The following MAP3K20 variants were observed in gnomAD, a reference collection of about 807,000 sequenced individuals.
MAP3K20 encodes HCCS-4.
MAP3K20 carries 40 observed loss-of-function variants against 85.7 expected under a neutral mutation model. That is an observed-to-expected ratio of 0.47 (90% confidence interval 0.36 to 0.61). The LOEUF (loss-of-function observed/expected upper bound fraction) is 0.61, where lower values mean the gene tolerates loss of function less well. Ranked by LOEUF, MAP3K20 falls within the 20% of genes least tolerant of loss-of-function variation. MAP3K20 has a pLI of 0.00. For synonymous variants in MAP3K20, 325 were observed against 327.7 expected, an observed-to-expected ratio of 0.99 and a Z score of 0.09; for missense variants, 817 against 961.7, an observed-to-expected ratio of 0.85 and a Z score of 1.99.
intron 18 of MAP3K20, among the ~76,000 whole-genome samples, chr2:173,262,826 A>G (rs1685328267): frequency 6.6e-6 from 1 of 152,188 alleles, no homozygotes. Flanking sequence ...CTTGGAAACT[A>G]GACTACTCTA....
chr2:173,218,355 T>G (rs1328463325), intron 11 of MAP3K20, among the ~76,000 whole-genome samples: 1 of 152,226 alleles, frequency 6.6e-6, no homozygotes, highest in East Asian at 1.9e-4. Context: ...AGATTCAACT[T>G]GGAAAAAAAG....
Position 173,124,951 on chromosome 2 carries a change from GCACT to G in MAP3K20, c.159+33763_159+33766del, listed in dbSNP as rs1481540273. Among the ~76,000 whole-genome samples, 5 of 152,228 alleles carry G rather than the reference GCACT, an allele frequency of 3.3e-5. No individual in the cohort carries two copies. The South Asian group carries it at 6.2e-4, about 19-fold the overall frequency. ...TATAGTGAGCTATGATTGCACCATTGCACTCCAGCCTGGGGGACAGTGAGACCCT... is the reference window on the plus strand; with the variant it reads ...TATAGTGAGCTATGATTGCACCATTGCCAGCCTGGGGGACAGTGAGACCCT... On this transcript the variant is annotated intron_variant, in intron 2 of 19. Transcript: ENST00000375213.
intron 2 of MAP3K20, among the ~76,000 whole-genome samples, chr2:173,111,128 C>T (rs536534104): frequency 2.0e-5 from 3 of 152,144 alleles, no homozygotes; most frequent in African/African-American, 7.2e-5. Context: ...GCCATTCTTG[C>T]AGGAGTGAGG....
At chr2:173,165,105 TC>T (rs530419414) in intron 2 of MAP3K20, among the ~76,000 whole-genome samples, 7 of 152,020 alleles carry the variant, frequency 4.6e-5, no homozygotes, top group Admixed American at 6.6e-5. Context: ...TCCGTTTATA[TC>T]TCAGATTGGG....
intron 2 of MAP3K20, among the ~76,000 whole-genome samples, chr2:173,134,416 A>ATTT (rs1559246056): frequency 2.8e-3 from 18 of 6,370 alleles, no homozygotes; most frequent in Non-Finnish European, 4.3e-3. Context: ...ATATATATAT[A>ATTT]TATATATATA....
intron 1 of MAP3K20, among the ~76,000 whole-genome samples, chr2:173,087,064 A>C (rs924055248): frequency 4.6e-5 from 7 of 152,380 alleles, no homozygotes; most frequent in African/African-American, 1.7e-4. Flanking sequence ...GAATAACCAG[A>C]AGCTATTTAC....
At chr2:173,111,004 A>G (rs1454459803) in intron 2 of MAP3K20, among the ~76,000 whole-genome samples, 2 of 152,232 alleles carry the variant, frequency 1.3e-5, no homozygotes, top group South Asian at 4.1e-4. Flanking sequence ...AGGAATCTCC[A>G]CACTGTCTTC....
rs557735799 is a variant in MAP3K20 at position 173,143,409 on chromosome 2, T to TC, written c.160-26389dup. 1.8e-4 allele frequency among the ~76,000 whole-genome samples: 27 copies of TC among 151,978 alleles called. 1 individual carries two copies. The South Asian group carries it at 4.6e-3, about 26-fold the overall frequency. Reference sequence around the variant, plus strand: ...CAATTACATTTGTAAATTTTAAATATCCCCCCCTAAGCAACTGAGACATTA... The same window carrying TC: ...CAATTACATTTGTAAATTTTAAATATCCCCCCCCTAAGCAACTGAGACATTA... On this transcript the variant is annotated intron_variant, in intron 2 of 19. Transcript: ENST00000375213.
intron 2 of MAP3K20, among the ~76,000 whole-genome samples, chr2:173,114,802 A>G (rs1353628222): frequency 2.6e-5 from 4 of 152,164 alleles, no homozygotes; most frequent in African/African-American, 7.2e-5. Flanking sequence ...ATTCCTTTAT[A>G]GGTTACCTAG....
intron 2 of MAP3K20, among the ~76,000 whole-genome samples, chr2:173,112,248 A>G (rs921689393): frequency 1.3e-5 from 2 of 152,152 alleles, no homozygotes; most frequent in Non-Finnish European, 2.9e-5. Context: ...TGATTTGTGT[A>G]TATTAATCTT....
Position 173,217,283 on chromosome 2 carries a change from A to C in MAP3K20, c.987+33A>C. 2.0e-6 allele frequency: 3 copies of C among 1,513,238 alleles called. No individual in the cohort carries two copies. The East Asian group carries it at 7.1e-5, about 36-fold the overall frequency. The allele number at this position is 1,513,238 out of a possible 1,614,324, so 93.7% of individuals were successfully genotyped here. A position where few individuals can be genotyped will look rare whatever the true frequency, so the allele number is the denominator to read the frequency against. On this transcript the variant is annotated intron_variant, in intron 11 of 19. Coordinates refer to ENST00000375213, the MANE Select transcript of MAP3K20 (RefSeq NM_016653.3). ...CCCTCCCCCTTCGCCGTCTTTCCAC[A>C]TGCGGCTCTAGGCTGCGCAGCTGAG... is the stretch of plus-strand genomic sequence containing the variant.
intron 7 of MAP3K20, among the ~76,000 whole-genome samples, chr2:173,193,663 A>G (rs985327600): frequency 4.6e-5 from 7 of 152,150 alleles, no homozygotes; most frequent in Non-Finnish European, 7.3e-5. Context: ...CTCTTCATAC[A>G]TTCCACATTG....
chr2:173,103,632 T>C (rs1195994437), intron 2 of MAP3K20, among the ~76,000 whole-genome samples: 1 of 152,250 alleles, frequency 6.6e-6, no homozygotes, highest in Non-Finnish European at 1.5e-5. Flanking sequence ...GTTTCTGTTA[T>C]TTACAGCTAC....
At chr2:173,149,479 T>C (rs1028813710) in intron 2 of MAP3K20, among the ~76,000 whole-genome samples, 2 of 148,340 alleles carry the variant, frequency 1.3e-5, no homozygotes, top group African/African-American at 5.0e-5. Flanking sequence ...TCTCTGAATC[T>C]AAAATTACTC....
At chr2:173,076,611 C>G (rs77040267) in intron 1 of MAP3K20, among the ~76,000 whole-genome samples, 4,806 of 152,382 alleles carry the variant, frequency 0.032, 109 homozygotes, top group Admixed American at 0.054. Flanking sequence ...GAATAACCAG[C>G]AGGAACAATG....
At chr2:173,159,309 TCACCCA>T (rs771164273) in intron 2 of MAP3K20, among the ~76,000 whole-genome samples, 43,994 of 151,990 alleles carry the variant, frequency 0.29, 7,967 homozygotes, top group Non-Finnish European at 0.41. Context: ...TGTGTTTTTG[TCACCCA>T]AACTGAGTAC....
intron 2 of MAP3K20, among the ~76,000 whole-genome samples, chr2:173,093,752 A>G (rs548216800): frequency 4.6e-5 from 7 of 152,138 alleles, no homozygotes; most frequent in Non-Finnish European, 7.3e-5. Flanking sequence ...AATGTCCAAC[A>G]ATGATAGACT....
rs537141922 is a variant in MAP3K20, at chr2:173,080,220, T to A, written c.-35+4218T>A. Among the ~76,000 whole-genome samples the A allele has an allele frequency of 2.4e-3, 360 of 152,348 alleles. 1 individual carries two copies. The highest frequency in any genetic ancestry group is 7.7e-3 in the African/African-American group (322 of 41,582). On this transcript the variant is annotated intron_variant, in intron 1 of 19. Coordinates refer to ENST00000375213, the MANE Select transcript of MAP3K20 (RefSeq NM_016653.3). The stretch of plus-strand genomic sequence containing the variant: ...AAAGCATAGTTATGTGGTGCATGAC[T>A]TTATGAGAAAGCACATAGAAATGCT...
chr2:173,182,997 AT>A, intron 4 of MAP3K20, 42 bp downstream of exon 4: 8 of 1,493,428 alleles, frequency 5.4e-6, no homozygotes, highest in South Asian at 1.2e-5. Flanking sequence ...AGTGGGGTGC[AT>A]TTTCCCCTCC....
Sources: allele counts gnomAD v4.1 joint callset (sites outside exome capture counted in the v4.1 genomes callset), GRCh38; gene constraint gnomAD v4.1.1; transcripts MANE v1.5; gene names NCBI Gene and HGNC (gene_info 2026-07-23, HGNC 2026-07-21).